The following RYR3 variants were observed in gnomAD, a reference collection of about 807,000 sequenced individuals.
RYR3 encodes brain ryanodine receptor-calcium release channel.
In RYR3, 207 loss-of-function variants were observed where a neutral mutation model predicts 584.3. The ratio of observed to expected loss-of-function variants is 0.35; its 90% CI spans 0.32 to 0.40. RYR3 has a LOEUF of 0.40. Among genes scored for constraint, RYR3 ranks in the 10% least tolerant of loss-of-function variants. RYR3 has a pLI of 1.00. For missense variants in RYR3, 5,616 were observed against 6,089.2 expected, an observed-to-expected ratio of 0.92 and a Z score of 2.59; for synonymous variants, 2,416 against 2,248.5, an observed-to-expected ratio of 1.07 and a Z score of -2.11.
At chr15:33,669,703 G>A (rs1301261008) in intron 37 of RYR3, among the ~76,000 whole-genome samples, 2 of 152,090 alleles carry the variant, frequency 1.3e-5, no homozygotes, top group East Asian at 3.9e-4. Flanking sequence ...GAGGAAACAG[G>A]GTTTCTAGCA....
At chr15:33,344,080 G>T (rs576319984) in intron 1 of RYR3, among the ~76,000 whole-genome samples, 1 of 152,206 alleles carries the variant, frequency 6.6e-6, no homozygotes, top group African/African-American at 2.4e-5. Context: ...TGCTGGAATT[G>T]TTGTTGTTGC....
At chr15:33,546,445 A>G (rs1206800264) in intron 8 of RYR3, among the ~76,000 whole-genome samples, 3 of 152,130 alleles carry the variant, frequency 2.0e-5, no homozygotes, top group Non-Finnish European at 4.4e-5. Flanking sequence ...TTTTCTTCCT[A>G]ATATTTATTG....
chr15:33,653,022 C>A, intron 32 of RYR3, 139 bp downstream of exon 32: 1 of 753,750 alleles, frequency 1.3e-6, no homozygotes. Context: ...CCACTTAGGA[C>A]AACAAATAAA....
Position 33,779,058 on chromosome 15 carries a change from T to C in RYR3, c.9138-1153T>C, listed in dbSNP as rs114293434. Among the ~76,000 whole-genome samples the C allele has an allele frequency of 7.8e-3, 1,182 of 152,326 alleles. 12 individuals are homozygous for C. The highest frequency in any genetic ancestry group is 0.027 in the African/African-American group (1,125 of 41,578). Reference sequence around the variant, plus strand: ...GTGGCTTTTCGAAGGAATGCACAGCTTTCTGCCAACTCACCCACCCTTCCC... The same window carrying C: ...GTGGCTTTTCGAAGGAATGCACAGCCTTCTGCCAACTCACCCACCCTTCCC... On this transcript the variant is annotated intron_variant, in intron 64 of 103. Transcript: ENST00000634891.
chr15:33,374,676 GCT>G (rs1451583980), intron 1 of RYR3, among the ~76,000 whole-genome samples: 3 of 152,152 alleles, frequency 2.0e-5, no homozygotes, highest in African/African-American at 7.2e-5. Flanking sequence ...ACACATTTGT[GCT>G]CTGAATGGTA....
chr15:33,753,746 G>A (rs1259429719), intron 57 of RYR3, among the ~76,000 whole-genome samples: 1 of 152,178 alleles, frequency 6.6e-6, no homozygotes, highest in East Asian at 1.9e-4. Flanking sequence ...AGGTCAGACA[G>A]CAGGAGATAG....
At position 33,757,525 on chromosome 15, in the gene RYR3, C is replaced by T; in HGVS notation, c.8634C>T (p.Phe2878=). 1 of 1,611,088 alleles carries T rather than the reference C, an allele frequency of 6.2e-7. No homozygotes were observed. Among genetic ancestry groups the T allele is most frequent in the Non-Finnish European group, 8.5e-7 (1 of 1,178,916 alleles). The change falls in exon 60 of 104, where the codon TTC becomes TTT. Residue 2878 remains phenylalanine, a synonymous_variant. Transcript: ENST00000634891. ...DQYFTSHCLY[F]LSSPLKPLSS... Reference sequence around the variant, plus strand: ...ACTTCACCAGTCATTGCCTCTACTTCTTGTCATCCCCTCTGAAGCCCCTTA... The same window carrying T: ...ACTTCACCAGTCATTGCCTCTACTTTTTGTCATCCCCTCTGAAGCCCCTTA...
intron 1 of RYR3, among the ~76,000 whole-genome samples, chr15:33,441,502 T>G (rs891567380): frequency 2.0e-5 from 3 of 151,820 alleles, no homozygotes; most frequent in Non-Finnish European, 4.4e-5. Flanking sequence ...AGGTGGGGAG[T>G]TGGGGGAGGC....
chr15:33,611,580 A>T (rs145077950), intron 18 of RYR3, among the ~76,000 whole-genome samples: 262 of 151,696 alleles, frequency 1.7e-3, no homozygotes, highest in African/African-American at 6.1e-3. Context: ...AATGTGTATA[A>T]CTCCATAAAA....
At chr15:33,642,771 G>A (rs1431585131) in intron 27 of RYR3, among the ~76,000 whole-genome samples, 2 of 152,222 alleles carry the variant, frequency 1.3e-5, no homozygotes, top group Non-Finnish European at 2.9e-5. Flanking sequence ...ATGCACAGGT[G>A]CTTGTCCAAG....
intron 38 of RYR3, among the ~76,000 whole-genome samples, chr15:33,676,997 C>T (rs940404400): frequency 1.2e-4 from 19 of 152,178 alleles, no homozygotes; most frequent in African/African-American, 4.6e-4. Context: ...CTGCGCTTGG[C>T]ACTTCACCTT....
intron 49 of RYR3, 98 bp downstream of exon 49, chr15:33,736,423 T>C: frequency 1.2e-6 from 1 of 811,790 alleles, no homozygotes; most frequent in South Asian, 1.6e-5. Context: ...AAATACATGC[T>C]AAATGGGTTT....
intron 43 of RYR3, among the ~76,000 whole-genome samples, chr15:33,719,317 C>T (rs894779630): frequency 7.9e-5 from 12 of 152,270 alleles, no homozygotes; most frequent in African/African-American, 2.6e-4. Context: ...GAATTTCAAT[C>T]GCAAGCTCAA....
chr15:33,513,079 C>T (rs1261544624), intron 3 of RYR3, among the ~76,000 whole-genome samples: 2 of 152,126 alleles, frequency 1.3e-5, no homozygotes, highest in African/African-American at 4.8e-5. Context: ...TTTAAGAAAC[C>T]TGCTTACTTT....
chr15:33,860,247 C>T (rs770711153), intron 100 of RYR3, among the ~76,000 whole-genome samples: 13 of 152,144 alleles, frequency 8.5e-5, no homozygotes, highest in Non-Finnish European at 1.3e-4. Context: ...GAACCCTGAT[C>T]CACCTCAGTG....
intron 27 of RYR3, among the ~76,000 whole-genome samples, chr15:33,637,090 T>C (rs1389941323): frequency 6.6e-6 from 1 of 152,240 alleles, no homozygotes; most frequent in African/African-American, 2.4e-5. Context: ...CATTTTTTAA[T>C]GTCCATGAAT....
At chr15:33,316,130 A>C (rs1968138456) in intron 1 of RYR3, among the ~76,000 whole-genome samples, 1 of 152,220 alleles carries the variant, frequency 6.6e-6, no homozygotes, top group African/African-American at 2.4e-5. Context: ...GTGAAAAAGA[A>C]AAGAGTGGGA....
chr15:33,473,482 G>C lies in RYR3; in HGVS notation c.115G>C (p.Ala39Pro). The C allele has an allele frequency of 6.2e-7, 1 of 1,613,914 alleles. No individual in the cohort carries two copies. The change falls in exon 2 of 104, where the codon GCA becomes CCA. Residue 39 changes from alanine to proline, a missense_variant. Ala to Pro is a conservative substitution (Grantham distance 27, BLOSUM62 -1). Around this residue, in one of 9 missense-constraint regions of RYR3, gnomAD observed 1,284 missense variants for 1,344.6 expected, o/e 0.95. Coordinates refer to ENST00000634891, the MANE Select transcript of RYR3 (RefSeq NM_001036.6). ...TAAGGAGCAGAGGAAGTTCTGCCTG[G>C]CAGCCGAGGGACTTGGGAATCGCCT... is the stretch of plus-strand genomic sequence containing the variant. Reference protein sequence around the residue: ...IHKEQRKFCLAAEGLGNRLCF... With the variant: ...IHKEQRKFCLPAEGLGNRLCF...
chr15:33,523,928 A>C (rs1412741394), intron 3 of RYR3, among the ~76,000 whole-genome samples: 9 of 152,136 alleles, frequency 5.9e-5, no homozygotes, highest in Non-Finnish European at 8.8e-5. Flanking sequence ...AAGACTCTGG[A>C]GTCAGTGTCT....
Sources: gnomAD v4.1 joint callset for allele counts (sites outside exome capture counted in the v4.1 genomes callset) on GRCh38, gnomAD v4.1.1 for gene constraint, gnomAD v4.1.1 regional missense constraint, MANE v1.5 for transcripts, NCBI Gene and HGNC (gene_info 2026-07-23, HGNC 2026-07-21) for gene names.